Variants in SPON1 observed in about 807,000 individuals in gnomAD.
SPON1 encodes spondin 1, also known as spondin-1.
SPON1 carries 52 observed loss-of-function variants against 111.7 expected under a neutral mutation model. The ratio of observed to expected loss-of-function variants is 0.47; its 90% confidence interval spans 0.37 to 0.59. The LOEUF is 0.59. SPON1 is among the 20% of genes least tolerant of loss of function. SPON1 has a pLI of 0.00. For synonymous variants in SPON1, 410 were observed against 395.8 expected, an observed-to-expected ratio of 1.04 and a Z score of -0.43; for missense variants, 957 against 1,068.5, an observed-to-expected ratio of 0.90 and a Z score of 1.46.
At position 14,000,876 on chromosome 11, in the gene SPON1, C is replaced by T. The variant is rs546007448; in HGVS notation, c.345+17923C>T. Among the ~76,000 whole-genome samples the T allele has an allele frequency of 7.9e-5, 12 of 152,268 alleles. No homozygotes were observed. The South Asian group carries it at 2.5e-3, about 32-fold the overall frequency. ...CTCCACCCCTCATTAACTATATAAG[C>T]TTGGCCACTTAATTTAAACTTGCTG... On this transcript the variant is annotated intron_variant, in intron 2 of 15. Transcript: ENST00000576479.
intron 3 of SPON1, among the ~76,000 whole-genome samples, chr11:14,052,737 G>T (rs1044586688): frequency 6.6e-6 from 1 of 152,160 alleles, no homozygotes; most frequent in Admixed American, 6.5e-5. Flanking sequence ...TGGCTCCAGG[G>T]GATCAGTCCA....
At chr11:14,231,290 C>T (rs1446571125) in intron 6 of SPON1, among the ~76,000 whole-genome samples, 5 of 152,108 alleles carry the variant, frequency 3.3e-5, no homozygotes, top group African/African-American at 9.6e-5. Context: ...CATGCCACCA[C>T]GCCTGGCTAA....
At chr11:14,107,989 G>A (rs1849198402) in intron 5 of SPON1, among the ~76,000 whole-genome samples, 1 of 152,036 alleles carries the variant, frequency 6.6e-6, no homozygotes, top group African/African-American at 2.4e-5. Context: ...TGTAAAGCAG[G>A]GATAATCAAA....
rs542080197 is a variant in SPON1, at chr11:14,245,685, T to TGGCCCAGCGC, written c.890+2290_890+2299dup. 1.9e-3 allele frequency among the ~76,000 whole-genome samples: 296 copies of TGGCCCAGCGC among 152,270 alleles called. 1 individual carries two copies. The highest frequency in any genetic ancestry group is 6.3e-3 in the African/African-American group (262 of 41,546). ...AAAGAGAGACTAGCACTCAGACAGC[T>TGGCCCAGCGC]GGCCCAGCGCAGCCCAGCTGGCTGC... On this transcript the variant is annotated intron_variant, in intron 7 of 15. Coordinates refer to ENST00000576479, the MANE Select transcript of SPON1 (RefSeq NM_006108.4).
rs562060561 is a variant in SPON1 at position 13,974,339 on chromosome 11, T to C, written c.239-8508T>C. ...TGGATGGCAGGGGCTGGCCATAGGA[T>C]GGAGCTGGGACTCAGGGTCTTCTCA... On this transcript the variant is annotated intron_variant, in intron 1 of 15. Transcript: ENST00000576479. Among the ~76,000 whole-genome samples, 8 of 152,292 alleles carry C rather than the reference T, an allele frequency of 5.3e-5. No homozygotes were observed. In the South Asian group the frequency reaches 1.7e-3, roughly 32 times the overall value.
At chr11:14,132,827 A>G (rs1554927659) in intron 5 of SPON1, among the ~76,000 whole-genome samples, 1 of 152,218 alleles carries the variant, frequency 6.6e-6, no homozygotes, top group Admixed American at 6.5e-5. Context: ...ACCAACCATG[A>G]AAGGAAGAAA....
intron 2 of SPON1, among the ~76,000 whole-genome samples, chr11:14,018,203 A>G (rs1355856165): frequency 6.6e-6 from 1 of 152,176 alleles, no homozygotes; most frequent in Non-Finnish European, 1.5e-5. Context: ...AAGTAGCTAG[A>G]CGGCCTTTGT....
intron 2 of SPON1, among the ~76,000 whole-genome samples, chr11:14,018,095 C>T (rs1397233118): frequency 1.3e-5 from 2 of 152,134 alleles, no homozygotes; most frequent in Non-Finnish European, 2.9e-5. Flanking sequence ...ATGAAATAAC[C>T]ATGGAACAAG....
chr11:14,092,506 C>T (rs1415805435), intron 5 of SPON1, among the ~76,000 whole-genome samples: 1 of 152,120 alleles, frequency 6.6e-6, no homozygotes, highest in Non-Finnish European at 1.5e-5. Flanking sequence ...AATACCCAGT[C>T]TCTGCAGGTG....
At chr11:14,115,028 G>T (rs1849256569) in intron 5 of SPON1, among the ~76,000 whole-genome samples, 1 of 152,190 alleles carries the variant, frequency 6.6e-6, no homozygotes, top group Non-Finnish European at 1.5e-5. Context: ...CTGTCCCAGA[G>T]CACCTGACCT....
chr11:14,185,126 A>T (rs909593101), intron 6 of SPON1, among the ~76,000 whole-genome samples: 1 of 152,240 alleles, frequency 6.6e-6, no homozygotes, highest in Non-Finnish European at 1.5e-5. Context: ...GAGTGGTGCC[A>T]ATGCAATGCA....
At chr11:14,205,684 CTGAT>C (rs782326174) in intron 6 of SPON1, among the ~76,000 whole-genome samples, 1 of 152,160 alleles carries the variant, frequency 6.6e-6, no homozygotes, top group Non-Finnish European at 1.5e-5. Context: ...CCCTGCCAAT[CTGAT>C]TGGGTCATTT....
rs1554938320 is a variant in SPON1, at chr11:14,228,145, T to C, written c.826-15187T>C. ...ATGACTGCTCACAATCTCGATGCAA[T>C]GCTGACCCTCGTAGCCTGGGTCCTT... On this transcript the variant is annotated intron_variant, in intron 6 of 15. Transcript: ENST00000576479. This position sits in a 1 kb window ranked among gnomAD's most constrained non-coding sequence, Gnocchi z 4.2. 6.6e-6 allele frequency among the ~76,000 whole-genome samples: 1 copy of C among 152,194 alleles called. No individual in the cohort carries two copies. Among genetic ancestry groups the C allele is most frequent in the African/African-American group, 2.4e-5 (1 of 41,462 alleles).
At chr11:14,172,748 A>G (rs1395693198) in intron 6 of SPON1, among the ~76,000 whole-genome samples, 5 of 151,784 alleles carry the variant, frequency 3.3e-5, no homozygotes, top group Admixed American at 2.6e-4. Flanking sequence ...TCCTTCACTT[A>G]TGAAGCTTAG....
chr11:14,263,314 G>A (rs1554942121), intron 15 of SPON1, among the ~76,000 whole-genome samples: 2 of 152,270 alleles, frequency 1.3e-5, no homozygotes, highest in Admixed American at 6.5e-5. Context: ...GTCCAACTTT[G>A]CTCAAAGTCA....
intron 5 of SPON1, among the ~76,000 whole-genome samples, chr11:14,105,227 C>T (rs1380818430): frequency 6.6e-6 from 1 of 152,086 alleles, no homozygotes; most frequent in Non-Finnish European, 1.5e-5. Flanking sequence ...GCATCTATTT[C>T]ATGCAAGCAA....
intron 6 of SPON1, among the ~76,000 whole-genome samples, chr11:14,219,908 GA>G (rs1848662853): frequency 1.3e-5 from 2 of 152,014 alleles, no homozygotes; most frequent in Admixed American, 1.3e-4. Context: ...GCAACATGGT[GA>G]AACCCCATCT....
intron 6 of SPON1, among the ~76,000 whole-genome samples, chr11:14,213,352 T>C (rs1321327953): frequency 6.6e-6 from 1 of 152,042 alleles, no homozygotes. Context: ...CAGAGAGAAA[T>C]GTTCAGCTTC....
intron 5 of SPON1, among the ~76,000 whole-genome samples, chr11:14,081,164 C>G (rs1179996708): frequency 2.6e-5 from 4 of 152,056 alleles, no homozygotes; most frequent in African/African-American, 9.7e-5. Context: ...AGACCCCAAA[C>G]TTACTATTTT....
Sources: gnomAD v4.1 joint callset for allele counts (sites outside exome capture counted in the v4.1 genomes callset) on GRCh38, gnomAD v4.1.1 for gene constraint, Gnocchi (gnomAD v3.1) non-coding constraint, MANE v1.5 for transcripts, NCBI Gene and HGNC (gene_info 2026-07-23, HGNC 2026-07-21) for gene names.